CPM: variants seen among roughly 807,000 people sequenced by gnomAD.
CPM encodes the protein renal carboxypeptidase.
CPM carries 35 observed loss-of-function variants against 46.4 expected under a neutral mutation model. The ratio of observed to expected loss-of-function variants is 0.75; its 90% CI spans 0.58 to 1.00. The LOEUF (loss-of-function observed/expected upper bound fraction) is 1.00. Ranked by LOEUF, CPM falls within the 50% of genes least tolerant of loss-of-function variation. The pLI is 0.00. For synonymous variants in CPM, 195 were observed against 195.3 expected, an observed-to-expected ratio of 1.00 and a Z score of 0.01; for missense variants, 422 against 530.4, an observed-to-expected ratio of 0.80 and a Z score of 2.01.
chr12:68,962,214 A>AC (rs1412949962), intron 1 of CPM, among the ~76,000 whole-genome samples: 13 of 151,754 alleles, frequency 8.6e-5, no homozygotes, highest in African/African-American at 3.2e-4. Context: ...AAAAAAAAAA[A>AC]AAAACCAAGT....
At chr12:68,865,211 C>T (rs1362546340) in intron 7 of CPM, among the ~76,000 whole-genome samples, 1 of 151,982 alleles carries the variant, frequency 6.6e-6, no homozygotes, top group African/African-American at 2.4e-5. Context: ...GGTGAAAGTC[C>T]CAATAATAAG....
chr12:68,946,206 A>G (rs1290612942), intron 1 of CPM, among the ~76,000 whole-genome samples: 1 of 152,144 alleles, frequency 6.6e-6, no homozygotes, highest in Non-Finnish European at 1.5e-5. Flanking sequence ...TTTTTGAAAC[A>G]TAATTTTTCC....
At chr12:68,919,119 A>C (rs1479090659) in intron 2 of CPM, among the ~76,000 whole-genome samples, 2 of 151,854 alleles carry the variant, frequency 1.3e-5, no homozygotes, top group Admixed American at 1.3e-4. Context: ...AGGCTATAAG[A>C]TCTAGCTGAC....
In CPM at chr12:68,924,347, C is replaced by T. The variant is rs145692321; in HGVS notation, c.160+8331G>A. On this transcript the variant is annotated intron_variant, in intron 2 of 8. Transcript: ENST00000551568. Reference sequence around the variant, plus strand: ...CTGTCTCTACCAAAAATTAGCCAGGCGCAATGGTGGGTGCCTGTAACCCTA... The same window carrying T: ...CTGTCTCTACCAAAAATTAGCCAGGTGCAATGGTGGGTGCCTGTAACCCTA... 2.2e-3 allele frequency among the ~76,000 whole-genome samples: 339 copies of T among 151,812 alleles called. 4 individuals are homozygous for T. The highest frequency in any genetic ancestry group is 7.7e-3 in the African/African-American group (317 of 41,394).
chr12:68,951,700 G>A (rs1888937716), intron 1 of CPM, among the ~76,000 whole-genome samples: 1 of 152,194 alleles, frequency 6.6e-6, no homozygotes. Context: ...TCCAGAGCAG[G>A]GAGGAGGCAT....
At chr12:68,899,889 C>T (rs79827205) in intron 2 of CPM, among the ~76,000 whole-genome samples, 2,052 of 152,244 alleles carry the variant, frequency 0.013, 60 homozygotes, top group African/African-American at 0.047. Flanking sequence ...TGTGACATGC[C>T]ATTTATCACT....
chr12:68,908,596 T>C (rs1887449949), intron 2 of CPM, among the ~76,000 whole-genome samples: 1 of 152,166 alleles, frequency 6.6e-6, no homozygotes, highest in Non-Finnish European at 1.5e-5. Flanking sequence ...ACATGAAATC[T>C]ATCTACATAC....
chr12:68,877,944 C>T (rs1027251758), intron 3 of CPM, among the ~76,000 whole-genome samples: 2 of 152,204 alleles, frequency 1.3e-5, no homozygotes, highest in Admixed American at 1.3e-4. Flanking sequence ...GTCTCTTATA[C>T]TTAGAAGGTG....
At chr12:68,941,207 A>G (rs1259770478) in intron 1 of CPM, among the ~76,000 whole-genome samples, 19 of 91,954 alleles carry the variant, frequency 2.1e-4, no homozygotes, top group South Asian at 3.8e-4. Flanking sequence ...GTGTGTGTAT[A>G]TAAAGCTAAC....
In CPM at chr12:68,853,558, A is replaced by C. The variant is rs900347301; in HGVS notation, c.*2879T>G. On this transcript the variant is annotated 3_prime_UTR_variant, in exon 9 of 9. Transcript: ENST00000551568. ...GGCCTAAATGCTCCTGTAGCTCTTCATTCCTTTGTCGTTCTCACTCTCCAT... is the reference window on the plus strand; with the variant it reads ...GGCCTAAATGCTCCTGTAGCTCTTCCTTCCTTTGTCGTTCTCACTCTCCAT... The C allele has an allele frequency of 2.6e-5, 4 of 152,158 alleles. No individual in the cohort carries two copies. The highest frequency in any genetic ancestry group is 4.4e-5 in the Non-Finnish European group (3 of 68,038). 9.4% of individuals were successfully genotyped at this position (152,158 alleles called of 1,614,324 possible). A position where few individuals can be genotyped will look rare whatever the true frequency, so the allele number is the denominator to read the frequency against.
chr12:68,845,395 T>G, intron 5 of CPM: 1 of 209,702 alleles, frequency 4.8e-6, no homozygotes, highest in South Asian at 1.9e-4. Context: ...TAAAATGAGC[T>G]AACAAACGAA....
At chr12:68,888,095 A>T (rs1886512403) in intron 2 of CPM, among the ~76,000 whole-genome samples, 1 of 152,204 alleles carries the variant, frequency 6.6e-6, no homozygotes, top group Non-Finnish European at 1.5e-5. Context: ...GTTTCTGAGG[A>T]ATTCTTTTGT....
chr12:68,851,132 A>G (rs1266714023), downstream of CPM: 1 of 152,568 alleles, frequency 6.6e-6, no homozygotes, highest in African/African-American at 2.4e-5. Context: ...TTATACTTGC[A>G]TAAGTACTTA....
chr12:68,959,821 T>C lies in CPM; in HGVS notation c.-4+3348A>G, dbSNP rs1178076261. ...CTATGGTAATTTCTGGTGAGGATGA[T>C]CATGTTTAATAAACAAGGCACAAAC... On this transcript the variant is annotated intron_variant, in intron 1 of 8. Transcript: ENST00000546373. Among the ~76,000 whole-genome samples, 5 of 152,348 alleles carry C rather than the reference T, an allele frequency of 3.3e-5. No individual in the cohort carries two copies. In the South Asian group the frequency reaches 8.3e-4, roughly 25 times the overall value.
chr12:68,864,821 G>C (rs1056106699), intron 7 of CPM, among the ~76,000 whole-genome samples: 3 of 152,130 alleles, frequency 2.0e-5, no homozygotes, highest in Admixed American at 2.0e-4. Context: ...GGACTCACCT[G>C]GACAACATAG....
chr12:68,849,399 TTTG>T (rs1555190555), downstream of CPM: 16 of 129,190 alleles, frequency 1.2e-4, no homozygotes, highest in East Asian at 1.8e-3. Context: ...CGTTTTTTTT[TTTG>T]TTGTTGTTGT....
At chr12:68,857,411 C>T (rs1885026357) in intron 8 of CPM, among the ~76,000 whole-genome samples, 1 of 152,046 alleles carries the variant, frequency 6.6e-6, no homozygotes, top group African/African-American at 2.4e-5. Context: ...ATCCACCTGC[C>T]TCTCAGCCTC....
In CPM at chr12:68,853,159, G is replaced by C. The variant is rs868395193; in HGVS notation, c.*3278C>G. 1.3e-5 allele frequency: 2 copies of C among 152,142 alleles called. No individual in the cohort carries two copies. The highest frequency in any genetic ancestry group is 3.2e-3 in the Middle Eastern group (1 of 314). The allele number at this position is 152,142 out of a possible 1,614,324, so 9.4% of individuals were successfully genotyped here. A position where few individuals can be genotyped will look rare whatever the true frequency, so the allele number is the denominator to read the frequency against. ...ATTTCAGCAAGAGATTTACATTAAG[G>C]CTCATGAACTAATTCAGATTTTTGT... is the stretch of plus-strand genomic sequence containing the variant. On this transcript the variant is annotated 3_prime_UTR_variant, in exon 9 of 9. Coordinates refer to ENST00000551568, the MANE Select transcript of CPM (RefSeq NM_198320.5).
intron 2 of CPM, among the ~76,000 whole-genome samples, chr12:68,923,847 A>G (rs1344096590): frequency 2.0e-5 from 3 of 152,242 alleles, no homozygotes; most frequent in Admixed American, 2.0e-4. Context: ...AGTCACGTTA[A>G]GAGCAAAACA....
Sources: gnomAD v4.1 joint callset for allele counts (sites outside exome capture counted in the v4.1 genomes callset) on GRCh38, gnomAD v4.1.1 for gene constraint, MANE v1.5 for transcripts, NCBI Gene and HGNC (gene_info 2026-07-23, HGNC 2026-07-21) for gene names.